SLCO6A1: variants seen among roughly 807,000 people sequenced by gnomAD.
SLCO6A1 encodes solute carrier organic anion transporter family member 6A1.
Under a neutral mutation model 72.7 loss-of-function variants are expected in SLCO6A1, and 65 were observed. The ratio of observed to expected loss-of-function variants is 0.89; its 90% CI spans 0.73 to 1.10. The LOEUF (loss-of-function observed/expected upper bound fraction) is 1.10, where lower values mean the gene tolerates loss of function less well. Ranked by LOEUF, SLCO6A1 falls within the 50% of genes least tolerant of loss-of-function variation. The probability of loss-of-function intolerance (pLI) is 0.00; values close to 1 mark genes in which losing one functional copy is unlikely to be tolerated. For synonymous variants in SLCO6A1, 314 were observed against 298.2 expected, an observed-to-expected ratio of 1.05 and a Z score of -0.55; for missense variants, 874 against 872.6, an observed-to-expected ratio of 1.00 and a Z score of -0.02.
chr5:102,458,590 A>T (rs1750865676), intron 5 of SLCO6A1, 99 bp from the exon 6 acceptor site: 1 of 707,744 alleles, frequency 1.4e-6, no homozygotes, highest in African/African-American at 1.8e-5. Flanking sequence ...ATTAATCCTG[A>T]AATGGCAAAT....
intron 8 of SLCO6A1, among the ~76,000 whole-genome samples, chr5:102,418,578 T>A (rs1425848007): frequency 6.6e-6 from 1 of 152,182 alleles, no homozygotes; most frequent in African/African-American, 2.4e-5. Flanking sequence ...TCACTTATCA[T>A]TTATATTTTA....
chr5:102,418,119 C>T (rs995776515), intron 8 of SLCO6A1, among the ~76,000 whole-genome samples: 3 of 151,830 alleles, frequency 2.0e-5, no homozygotes, highest in African/African-American at 7.3e-5. Context: ...TATTATTCCA[C>T]TGTCTTCTTA....
intron 9 of SLCO6A1, among the ~76,000 whole-genome samples, chr5:102,405,441 A>G (rs1254314890): frequency 6.6e-6 from 1 of 152,038 alleles, no homozygotes; most frequent in Non-Finnish European, 1.5e-5. Context: ...AAAACAATAT[A>G]TATTATATAC....
intron 10 of SLCO6A1, among the ~76,000 whole-genome samples, chr5:102,395,503 A>C (rs1580348491): frequency 6.6e-6 from 1 of 151,210 alleles, no homozygotes; most frequent in African/African-American, 2.4e-5. Flanking sequence ...GTAAACATAC[A>C]TGTGCATGTG....
chr5:102,477,387 G>A (rs934563042), intron 3 of SLCO6A1, among the ~76,000 whole-genome samples: 1 of 152,058 alleles, frequency 6.6e-6, no homozygotes, highest in South Asian at 2.1e-4. Flanking sequence ...GCCTCTCAAA[G>A]TTCTAGGATT....
intron 7 of SLCO6A1, among the ~76,000 whole-genome samples, chr5:102,422,270 G>T (rs1026493433): frequency 6.6e-6 from 1 of 152,172 alleles, no homozygotes; most frequent in Non-Finnish European, 1.5e-5. Flanking sequence ...GACAAAAAAT[G>T]AGTTTCACAA....
intron 9 of SLCO6A1, among the ~76,000 whole-genome samples, chr5:102,403,982 C>G (rs1246409369): frequency 6.6e-6 from 1 of 151,856 alleles, no homozygotes; most frequent in Non-Finnish European, 1.5e-5. Context: ...GACTAGTCAT[C>G]TCTGAAAGGT....
At chr5:102,409,487 T>G (rs1000848942) in intron 9 of SLCO6A1, among the ~76,000 whole-genome samples, 7 of 152,254 alleles carry the variant, frequency 4.6e-5, no homozygotes, top group African/African-American at 1.2e-4. Context: ...TTTGTTAAGA[T>G]TTTTTTATTG....
At chr5:102,432,693 G>A (rs1019246133) in intron 7 of SLCO6A1, among the ~76,000 whole-genome samples, 1 of 152,082 alleles carries the variant, frequency 6.6e-6, no homozygotes, top group African/African-American at 2.4e-5. Context: ...TTTCTCTCTA[G>A]CTGCCTTTGA....
intron 7 of SLCO6A1, 99 bp from the exon 8 acceptor site, chr5:102,420,120 A>C (rs762007948): frequency 1.5e-5 from 15 of 985,058 alleles, no homozygotes; most frequent in Non-Finnish European, 2.0e-5. Context: ...AACATATAGC[A>C]AACATGTATT....
At chr5:102,495,404 G>A (rs992928036) in intron 1 of SLCO6A1, among the ~76,000 whole-genome samples, 2 of 152,026 alleles carry the variant, frequency 1.3e-5, no homozygotes, top group African/African-American at 4.8e-5. Flanking sequence ...GACCAGCCTG[G>A]CCAATACGGT....
At chr5:102,455,251 A>T (rs1266916557) in intron 6 of SLCO6A1, among the ~76,000 whole-genome samples, 2 of 151,946 alleles carry the variant, frequency 1.3e-5, no homozygotes, top group African/African-American at 4.8e-5. Flanking sequence ...AGAGGGATAA[A>T]ATTCTAAGAA....
chr5:102,372,809 T>C (rs1190613859), intron 13 of SLCO6A1, among the ~76,000 whole-genome samples: 1 of 151,838 alleles, frequency 6.6e-6, no homozygotes, highest in African/African-American at 2.4e-5. Flanking sequence ...CCAAAGAAAT[T>C]TTCTGAGGAA....
At chr5:102,388,855 T>C in intron 11 of SLCO6A1, 30 bp from the exon 12 acceptor site, 1 of 1,580,312 alleles carries the variant, frequency 6.3e-7, no homozygotes, top group South Asian at 1.2e-5. Context: ...TGTAAATTCT[T>C]TGTGAAAACA....
At chr5:102,388,491 C>A (rs548980598) in intron 12 of SLCO6A1, among the ~76,000 whole-genome samples, 197 bp downstream of exon 12, 15 of 152,202 alleles carry the variant, frequency 9.9e-5, no homozygotes, top group Admixed American at 2.6e-4. Context: ...GTATGTGACA[C>A]CATACTCGGC....
At chr5:102,468,639 A>G (rs993804180) in intron 4 of SLCO6A1, among the ~76,000 whole-genome samples, 1 of 152,024 alleles carries the variant, frequency 6.6e-6, no homozygotes, top group African/African-American at 2.4e-5. Flanking sequence ...TGTCTGATAT[A>G]AGAATAGCTA....
intron 6 of SLCO6A1, among the ~76,000 whole-genome samples, chr5:102,456,703 A>G (rs994970733): frequency 6.6e-6 from 1 of 152,198 alleles, no homozygotes; most frequent in Non-Finnish European, 1.5e-5. Context: ...ATTCAATGCC[A>G]TTCCCATCAA....
At chr5:102,420,185 C>T (rs1402081681) in intron 7 of SLCO6A1, among the ~76,000 whole-genome samples, 164 bp from the exon 8 acceptor site, 3 of 152,144 alleles carry the variant, frequency 2.0e-5, no homozygotes, top group African/African-American at 7.2e-5. Context: ...CGAACCCGAA[C>T]CTTAATAGAA....
intron 10 of SLCO6A1, among the ~76,000 whole-genome samples, chr5:102,397,798 C>T (rs1747177976): frequency 6.6e-6 from 1 of 152,144 alleles, no homozygotes; most frequent in Admixed American, 6.5e-5. Context: ...TAAATTTTGG[C>T]AACACTTATA....
Sources: gnomAD v4.1 joint callset for allele counts (sites outside exome capture counted in the v4.1 genomes callset) on GRCh38, gnomAD v4.1.1 for gene constraint, MANE v1.5 for transcripts, NCBI Gene and HGNC (gene_info 2026-07-23, HGNC 2026-07-21) for gene names.